The following FDFT1 variants were observed in gnomAD, a reference collection of about 807,000 sequenced individuals.
FDFT1 encodes farnesyl-diphosphate farnesyltransferase 1, also known as squalene synthase.
In FDFT1, 68 loss-of-function variants were observed where a neutral mutation model predicts 46.8. The ratio of observed to expected loss-of-function variants is 1.45; its 90% CI spans 1.19 to 1.78. FDFT1 has a LOEUF of 1.78. Among genes scored for constraint, FDFT1 ranks in the 40% most tolerant of loss-of-function variants. FDFT1 has a pLI of 0.00. For synonymous variants in FDFT1, 351 were observed against 185.1 expected (o/e 1.90, Z -7.28); for missense variants, 928 against 524.4 (o/e 1.77, Z -7.52).
upstream of FDFT1, among the ~76,000 whole-genome samples, chr8:11,800,528 G>A (rs886163900): frequency 6.6e-6 from 1 of 152,152 alleles, no homozygotes; most frequent in African/African-American, 2.4e-5. Flanking sequence ...CAAAGGTAGA[G>A]GAGAACAAAG....
chr8:11,815,732 A>G (rs1808353306), intron 3 of FDFT1, among the ~76,000 whole-genome samples: 1 of 152,118 alleles, frequency 6.6e-6, no homozygotes, highest in African/African-American at 2.4e-5. Context: ...ATTTTCTTGT[A>G]AATTTTTTTT....
chr8:11,826,251 T>TG, intron 5 of FDFT1, 36 bp downstream of exon 5: 2 of 1,412,992 alleles, frequency 1.4e-6, no homozygotes. Flanking sequence ...GAAAATAACT[T>TG]TAGACATTCT....
intron 7 of FDFT1, among the ~76,000 whole-genome samples, chr8:11,836,098 A>C (rs1385172125): frequency 6.6e-6 from 1 of 151,066 alleles, no homozygotes; most frequent in East Asian, 1.9e-4. Context: ...GGCTGCAGTG[A>C]GCCAAGATTG....
intron 7 of FDFT1, among the ~76,000 whole-genome samples, chr8:11,833,401 T>A (rs1209421610): frequency 1.3e-5 from 2 of 152,248 alleles, no homozygotes; most frequent in East Asian, 3.8e-4. Context: ...AATCCTGCTA[T>A]ATTAAGCACT....
chr8:11,832,872 T>C (rs937071255), intron 7 of FDFT1, among the ~76,000 whole-genome samples: 1 of 152,158 alleles, frequency 6.6e-6, no homozygotes, highest in African/African-American at 2.4e-5. Flanking sequence ...TCCCCAGAGG[T>C]TACCTCTGTT....
At chr8:11,811,160 C>T (rs931025648) in intron 3 of FDFT1, among the ~76,000 whole-genome samples, 2 of 152,118 alleles carry the variant, frequency 1.3e-5, no homozygotes, top group Admixed American at 6.5e-5. Flanking sequence ...AGAACTGTAA[C>T]CCTGGGAAGG....
chr8:11,807,352 G>A (rs909325443), intron 1 of FDFT1, among the ~76,000 whole-genome samples: 44 of 151,756 alleles, frequency 2.9e-4, no homozygotes, highest in Non-Finnish European at 5.9e-4. Context: ...TTATGAACAC[G>A]AGGTCTCACT....
In FDFT1 at chr8:11,830,341, T is replaced by TGCACC. The variant is rs770570736; in HGVS notation, c.801_805dup (p.His269ArgfsTer28). The TGCACC allele has an allele frequency of 6.2e-7, 1 of 1,613,894 alleles. No individual in the cohort carries two copies. On this transcript the variant is annotated frameshift_variant, in exon 6 of 8. Coordinates refer to ENST00000220584, the MANE Select transcript of FDFT1 (RefSeq NM_004462.5). LOFTEE classifies it high-confidence loss of function. The stretch of plus-strand genomic sequence containing the variant: ...CTGAATGAACTTATAACCAATGCAC[T>TGCACC]GCACCACATCCCAGATGTCATCACC...
chr8:11,832,942 A>G (rs1811044388), intron 7 of FDFT1, among the ~76,000 whole-genome samples: 1 of 152,206 alleles, frequency 6.6e-6, no homozygotes, highest in South Asian at 2.1e-4. Context: ...ATGGTTTGCA[A>G]CAGTGTTTTC....
chr8:11,833,227 ATGTG>A (rs1563342629), intron 7 of FDFT1, among the ~76,000 whole-genome samples: 26 of 152,298 alleles, frequency 1.7e-4, no homozygotes, highest in African/African-American at 6.3e-4. Context: ...ACTTTGATCT[ATGTG>A]CCTGGGGTAG....
At chr8:11,800,501 G>T (rs927160894), upstream of FDFT1, among the ~76,000 whole-genome samples, 1 of 152,064 alleles carries the variant, frequency 6.6e-6, no homozygotes, top group Admixed American at 6.6e-5. Flanking sequence ...TAGCAACTTA[G>T]AAGTTTTTAA....
intron 6 of FDFT1, among the ~76,000 whole-genome samples, chr8:11,830,918 A>T (rs1810687527): frequency 6.6e-6 from 1 of 152,106 alleles, no homozygotes; most frequent in Non-Finnish European, 1.5e-5. Flanking sequence ...CAAATAAGTG[A>T]AGAAAGTAAC....
upstream of FDFT1, among the ~76,000 whole-genome samples, chr8:11,799,384 G>A (rs1303531746): frequency 6.6e-6 from 1 of 152,240 alleles, no homozygotes; most frequent in African/African-American, 2.4e-5. Context: ...TTAGCTGCTG[G>A]AGAAAAAGAA....
chr8:11,816,869 T>A (rs572814050), intron 3 of FDFT1, among the ~76,000 whole-genome samples: 130 of 152,336 alleles, frequency 8.5e-4, no homozygotes, highest in African/African-American at 2.3e-3. Flanking sequence ...TTCTTTCTCT[T>A]GCCTGATTAT....
intron 7 of FDFT1, among the ~76,000 whole-genome samples, chr8:11,834,929 G>A (rs1311712937): frequency 1.3e-5 from 2 of 152,198 alleles, no homozygotes; most frequent in African/African-American, 4.8e-5. Context: ...TTCGAGACCA[G>A]CCTGGCCAAT....
At chr8:11,799,875 G>A (rs984985279), upstream of FDFT1, among the ~76,000 whole-genome samples, 2 of 150,452 alleles carry the variant, frequency 1.3e-5, no homozygotes, top group African/African-American at 4.9e-5. Flanking sequence ...GAACCTGGGA[G>A]CCAGAGGTTG....
chr8:11,795,595 G>A (rs897698173), exon 1 of FDFT1: 4 of 145,176 alleles, frequency 2.8e-5, no homozygotes, highest in Admixed American at 6.9e-5. Context: ...AACACGCTGG[G>A]TTTGCTTTAC....
At chr8:11,818,591 A>C (rs1808790844) in intron 3 of FDFT1, among the ~76,000 whole-genome samples, 1 of 152,168 alleles carries the variant, frequency 6.6e-6, no homozygotes, top group Non-Finnish European at 1.5e-5. Flanking sequence ...CTTCTTGTTG[A>C]ATTGATCCCT....
rs763030790 is a variant in FDFT1 at position 11,808,826 on chromosome 8, C to T, written c.132C>T (p.Tyr44=). ...TCAGCAGCAGCCTGAAAACTTGCTA[C>T]AAGTATCTCAATCAGACCAGTCGCA... ...DSLSSSLKTC[Y]KYLNQTSRSF... Residue 44 remains tyrosine (Y), a synonymous_variant, in exon 2 of 8, where the codon TAC becomes TAT. Coordinates refer to ENST00000220584, the MANE Select transcript of FDFT1 (RefSeq NM_004462.5). 1.9e-6 allele frequency: 3 copies of T among 1,613,936 alleles called. No individual in the cohort carries two copies. Among genetic ancestry groups the T allele is most frequent in the Non-Finnish European group, 2.5e-6 (3 of 1,180,008 alleles).
Sources: allele counts gnomAD v4.1 joint callset (sites outside exome capture counted in the v4.1 genomes callset), GRCh38; gene constraint gnomAD v4.1.1; transcripts MANE v1.5; gene names NCBI Gene and HGNC (gene_info 2026-07-23, HGNC 2026-07-21).